Variants in IFT57 observed in about 807,000 individuals in gnomAD.
IFT57 encodes intraflagellar transport protein 57 homolog.
IFT57 carries 59 observed loss-of-function variants against 56.8 expected under a neutral mutation model. The observed-to-expected ratio is 1.04, with a 90% confidence interval of 0.84 to 1.29. IFT57 has a LOEUF of 1.29. Among genes scored for constraint, IFT57 ranks in the 50% most tolerant of loss-of-function variants. The pLI is 0.00. For missense variants in IFT57, 470 were observed against 522.1 expected (o/e 0.90, Z 0.97); for synonymous variants, 209 against 186.1 (o/e 1.12, Z -1.00).
At position 108,219,336 on chromosome 3, in the gene IFT57, C is replaced by T. The variant is rs926547424; in HGVS notation, c.375+74G>A. On this transcript the variant is annotated intron_variant, in intron 2 of 10. Transcript: ENST00000264538. ...ACAGAGGAGTCATCTAAATGGCTAG[C>T]ATTTGTTATTAAATTACCAGTATTA... 3.2e-6 allele frequency: 4 copies of T among 1,254,452 alleles called. No individual in the cohort carries two copies. The African/African-American group carries it at 5.9e-5, about 19-fold the overall frequency. The allele number at this position is 1,254,452 out of a possible 1,614,324, so 77.7% of individuals were successfully genotyped here. A position where few individuals can be genotyped will look rare whatever the true frequency, so the allele number is the denominator to read the frequency against.
intron 3 of IFT57, among the ~76,000 whole-genome samples, chr3:108,217,019 C>T (rs1426355322): frequency 6.6e-6 from 1 of 152,006 alleles, no homozygotes; most frequent in Non-Finnish European, 1.5e-5. Flanking sequence ...GTTCAATGCA[C>T]AGCAGGGTGA....
rs571263444 is a variant in IFT57, at chr3:108,188,038, C to T, written c.777+3483G>A. 4.8e-3 allele frequency among the ~76,000 whole-genome samples: 729 copies of T among 152,058 alleles called. 3 individuals carry two copies. Among genetic ancestry groups the T allele is most frequent in the African/African-American group, 0.016 (655 of 41,450 alleles). ...GTGCCATGTTGGTTTGCTGCACCCA[C>T]TAACTCGTCGTTTACATTAGGTATA... On this transcript the variant is annotated intron_variant, in intron 6 of 10. Coordinates refer to ENST00000264538, the MANE Select transcript of IFT57 (RefSeq NM_018010.4).
intron 5 of IFT57, among the ~76,000 whole-genome samples, chr3:108,192,666 G>A (rs2080222677): frequency 6.6e-6 from 1 of 151,758 alleles, no homozygotes; most frequent in Non-Finnish European, 1.5e-5. Flanking sequence ...TATTTATATA[G>A]AGAAAAAGAT....
intron 6 of IFT57, among the ~76,000 whole-genome samples, chr3:108,180,016 GA>G (rs1167224919): frequency 1.3e-5 from 2 of 151,930 alleles, no homozygotes; most frequent in Non-Finnish European, 2.9e-5. Flanking sequence ...CTGCTTTCTA[GA>G]AATTCATCTC....
chr3:108,203,197 C>G (rs1025508068), intron 5 of IFT57, among the ~76,000 whole-genome samples: 3 of 152,198 alleles, frequency 2.0e-5, no homozygotes, highest in Non-Finnish European at 4.4e-5. Context: ...TTGACTCTAC[C>G]AGGTTGGCCA....
chr3:108,196,428 A>G (rs2080244871), intron 5 of IFT57, among the ~76,000 whole-genome samples: 1 of 152,150 alleles, frequency 6.6e-6, no homozygotes, highest in African/African-American at 2.4e-5. Context: ...AAGGAAGGGC[A>G]TTTTTCATAA....
chr3:108,173,369 C>A (rs1488908350), intron 6 of IFT57, among the ~76,000 whole-genome samples: 1 of 151,738 alleles, frequency 6.6e-6, no homozygotes, highest in African/African-American at 2.4e-5. Context: ...TGGTCTAGTT[C>A]TCAAGTTGGG....
chr3:108,217,855 T>A (rs777344652), intron 3 of IFT57, among the ~76,000 whole-genome samples: 1 of 151,908 alleles, frequency 6.6e-6, no homozygotes, highest in Non-Finnish European at 1.5e-5. Flanking sequence ...ATAAATTGAG[T>A]TTCCAAATGT....
At chr3:108,217,539 A>G (rs1344006178) in intron 3 of IFT57, among the ~76,000 whole-genome samples, 2 of 152,044 alleles carry the variant, frequency 1.3e-5, no homozygotes, top group African/African-American at 4.8e-5. Context: ...GTTTAAAAAT[A>G]GATGAATATG....
chr3:108,161,588 G>C lies in IFT57; in HGVS notation c.*889C>G, dbSNP rs982047513. 1 of 151,878 alleles carries C rather than the reference G, an allele frequency of 6.6e-6. No homozygotes were observed. The highest frequency in any genetic ancestry group is 2.4e-5 in the African/African-American group (1 of 41,340). The allele number at this position is 151,878 out of a possible 1,614,324, so 9.4% of individuals were successfully genotyped here. On this transcript the variant is annotated 3_prime_UTR_variant, in exon 11 of 11. Coordinates refer to ENST00000264538, the MANE Select transcript of IFT57 (RefSeq NM_018010.4). Reference sequence around the variant, plus strand: ...CTCCTGCTTTGTGTTCCCCTGGCCAGTTTTCCCCAGTGCTAATTCTGGCAC... The same window carrying C: ...CTCCTGCTTTGTGTTCCCCTGGCCACTTTTCCCCAGTGCTAATTCTGGCAC...
chr3:108,173,766 C>CTGTGTGTG lies in IFT57; in HGVS notation c.778-5910_778-5903dup, dbSNP rs59233165. Reference sequence around the variant, plus strand: ...GTTGAACCATGGTAAGTCAGGGACTCTGTGTGTGTGTGTGTGTGTGTGTGT... The same window carrying CTGTGTGTG: ...GTTGAACCATGGTAAGTCAGGGACTCTGTGTGTGTGTGTGTGTGTGTGTGTGTGTGTGT... On this transcript the variant is annotated intron_variant, in intron 6 of 10. Transcript: ENST00000264538. Among the ~76,000 whole-genome samples, 1,207 of 124,654 alleles carry CTGTGTGTG rather than the reference C, an allele frequency of 9.7e-3. 15 individuals carry two copies. Among genetic ancestry groups the CTGTGTGTG allele is most frequent in the East Asian group, 0.028 (113 of 4,042 alleles). 81.8% of individuals were successfully genotyped at this position (124,654 alleles called of 152,430 possible). A position where few individuals can be genotyped will look rare whatever the true frequency, so the allele number is the denominator to read the frequency against.
chr3:108,170,016 T>C (rs1187002755), intron 6 of IFT57, among the ~76,000 whole-genome samples: 2 of 151,996 alleles, frequency 1.3e-5, no homozygotes, highest in Non-Finnish European at 2.9e-5. Flanking sequence ...ATAAGAGCTA[T>C]TTATGACAAA....
At chr3:108,172,111 T>C (rs1183885532) in intron 6 of IFT57, among the ~76,000 whole-genome samples, 1 of 151,904 alleles carries the variant, frequency 6.6e-6, no homozygotes, top group Non-Finnish European at 1.5e-5. Flanking sequence ...CTGACTCATT[T>C]AGGTATAACT....
At position 108,167,864 on chromosome 3, in the gene IFT57, C is replaced by A; in HGVS notation, c.778G>T (p.Asp260Tyr). Residue 260 changes from aspartate (D) to tyrosine (Y), a missense_variant and splice_region_variant, in exon 7 of 11, where the codon GAT becomes TAT. Transcript: ENST00000264538. ...ATTTGGTCAACATGGATTCTCCAATCCTACAGGCATAGAGCACATAGAAAT... is the reference window on the plus strand; with the variant it reads ...ATTTGGTCAACATGGATTCTCCAATACTACAGGCATAGAGCACATAGAAAT... ...LKVTIRTDNKDWRIHVDQMHQ... is the reference protein window; with the variant it reads ...LKVTIRTDNKYWRIHVDQMHQ... 1 of 1,588,512 alleles carries A rather than the reference C, an allele frequency of 6.3e-7. No individual in the cohort carries two copies.
chr3:108,208,204 GGTA>G (rs1373200917), intron 4 of IFT57, among the ~76,000 whole-genome samples: 14 of 152,098 alleles, frequency 9.2e-5, no homozygotes, highest in African/African-American at 3.4e-4. Context: ...TTTAGAGTGG[GGTA>G]GTAGGACAGA....
rs1179200943 is a variant in IFT57 at position 108,185,551 on chromosome 3, A to ATTT, written c.777+5967_777+5969dup. 1.1e-3 allele frequency among the ~76,000 whole-genome samples: 92 copies of ATTT among 87,318 alleles called. 7 individuals carry two copies. The highest frequency in any genetic ancestry group is 9.1e-3 in the East Asian group (20 of 2,208). 57.3% of individuals were successfully genotyped at this position (87,318 alleles called of 152,430 possible). A position where few individuals can be genotyped will look rare whatever the true frequency, so the allele number is the denominator to read the frequency against. On this transcript the variant is annotated intron_variant, in intron 6 of 10. Transcript: ENST00000264538. ...ATTACTAAGAGATGTGAGCACTAGGATTTTTTTTTTTTTTTTTTTTTTTTT... is the reference window on the plus strand; with the variant it reads ...ATTACTAAGAGATGTGAGCACTAGGATTTTTTTTTTTTTTTTTTTTTTTTTTTT...
chr3:108,185,802 T>A (rs1036325782), intron 6 of IFT57, among the ~76,000 whole-genome samples: 8 of 152,090 alleles, frequency 5.3e-5, no homozygotes, highest in African/African-American at 1.9e-4. Flanking sequence ...GAAGAGATAA[T>A]CACCAGCTGC....
At chr3:108,199,342 A>T (rs1204725138) in intron 5 of IFT57, among the ~76,000 whole-genome samples, 21 of 152,242 alleles carry the variant, frequency 1.4e-4, no homozygotes, top group Admixed American at 1.2e-3. Context: ...TAATGCAATA[A>T]TGAGTTTTAA....
chr3:108,210,446 G>C (rs2080337763), intron 4 of IFT57, among the ~76,000 whole-genome samples: 1 of 147,342 alleles, frequency 6.8e-6, no homozygotes, highest in Admixed American at 7.0e-5. Context: ...CAGTTCTCTT[G>C]CCTCAGTCTC....
Sources: gnomAD v4.1 joint callset for allele counts (sites outside exome capture counted in the v4.1 genomes callset) on GRCh38, gnomAD v4.1.1 for gene constraint, MANE v1.5 for transcripts, NCBI Gene and HGNC (gene_info 2026-07-23, HGNC 2026-07-21) for gene names.